Variants in PM20D2 observed in about 807,000 individuals in gnomAD.
PM20D2 encodes the protein xaa-Arg dipeptidase.
Under a neutral mutation model 42.9 loss-of-function variants are expected in PM20D2, and 33 were observed. That is an observed-to-expected ratio of 0.77 (90% confidence interval 0.58 to 1.03). The LOEUF (loss-of-function observed/expected upper bound fraction) is 1.03. Ranked by LOEUF, PM20D2 falls within the 50% of genes least tolerant of loss-of-function variation. PM20D2 has a pLI of 0.00. For missense variants in PM20D2, 548 were observed against 557.0 expected, an observed-to-expected ratio of 0.98 and a Z score of 0.16; for synonymous variants, 250 against 228.2, an observed-to-expected ratio of 1.10 and a Z score of -0.86.
At chr6:89,117,104 T>A in the PM20D2 span, among the ~76,000 whole-genome samples, 1 of 152,044 alleles carries the variant, frequency 6.6e-6, no homozygotes, top group Non-Finnish European at 1.5e-5. Context: ...TTCCTTAGTA[T>A]CTGTGTTCAG....
chr6:89,161,845 G>A lies in PM20D2; in HGVS notation c.1111G>A (p.Gly371Arg). ...VPGIHPYFHI[G>R]SNALNHTEQY... Reference sequence around the variant, plus strand: ...TGGAATTCATCCATATTTTCACATTGGATCTAATGCCTTGAATCATACTGA... The same window carrying A: ...TGGAATTCATCCATATTTTCACATTAGATCTAATGCCTTGAATCATACTGA... The change falls in exon 6 of 7, where the codon GGA becomes AGA. Residue 371 changes from glycine (G) to arginine (R), a missense_variant. This residue lies in a region of PM20D2 where 7 missense variants were observed against 22.9 expected (regional missense o/e 0.31). Coordinates refer to ENST00000275072, the MANE Select transcript of PM20D2 (RefSeq NM_001010853.3). 1.2e-6 allele frequency: 2 copies of A among 1,613,722 alleles called. No homozygotes were observed. The highest frequency in any genetic ancestry group is 1.7e-6 in the Non-Finnish European group (2 of 1,179,634).
chr6:89,109,818 G>A, the PM20D2 span, among the ~76,000 whole-genome samples: 7 of 152,316 alleles, frequency 4.6e-5, no homozygotes, highest in East Asian at 9.7e-4. Context: ...CTGGCCGGGC[G>A]CGGTGGCTCA....
chr6:89,094,589 T>C, the PM20D2 span, among the ~76,000 whole-genome samples: 1 of 152,214 alleles, frequency 6.6e-6, no homozygotes, highest in African/African-American at 2.4e-5. Context: ...TATGGTGTTT[T>C]GAATTATGTG....
At chr6:89,124,993 C>T in the PM20D2 span, among the ~76,000 whole-genome samples, 8 of 152,064 alleles carry the variant, frequency 5.3e-5, no homozygotes, top group South Asian at 1.7e-3. Context: ...CTCAGCCTTC[C>T]AAAATGCTGG....
At chr6:89,109,905 G>A in the PM20D2 span, among the ~76,000 whole-genome samples, 1 of 152,060 alleles carries the variant, frequency 6.6e-6, no homozygotes, top group African/African-American at 2.4e-5. Flanking sequence ...TCTTGGCTAA[G>A]AGGGTGAAAC....
At chr6:89,107,916 A>G in the PM20D2 span, among the ~76,000 whole-genome samples, 4 of 152,186 alleles carry the variant, frequency 2.6e-5, no homozygotes, top group African/African-American at 7.2e-5. Flanking sequence ...GAAAGTTATT[A>G]TAAGACCTAA....
upstream of PM20D2, among the ~76,000 whole-genome samples, chr6:89,145,746 G>T (rs1338994107): frequency 2.0e-5 from 3 of 152,184 alleles, no homozygotes; most frequent in African/African-American, 7.2e-5. Flanking sequence ...CGAGGACTGT[G>T]TTCCACTTGG....
chr6:89,101,474 C>A, the PM20D2 span, among the ~76,000 whole-genome samples: 2 of 152,128 alleles, frequency 1.3e-5, no homozygotes, highest in African/African-American at 4.8e-5. Context: ...GTCATCCCAG[C>A]ACTTTGGGAG....
chr6:89,119,747 T>C, the PM20D2 span, among the ~76,000 whole-genome samples: 10 of 152,242 alleles, frequency 6.6e-5, no homozygotes, highest in African/African-American at 2.4e-4. Context: ...GTTTTGGCTG[T>C]GGATACATAG....
the PM20D2 span, among the ~76,000 whole-genome samples, chr6:89,101,707 TA>T: frequency 1.4e-5 from 2 of 146,814 alleles, no homozygotes; most frequent in African/African-American, 5.0e-5. Flanking sequence ...CAAAAAAAAA[TA>T]AAAATAAAAA....
At chr6:89,135,645 G>A in the PM20D2 span, among the ~76,000 whole-genome samples, 1 of 151,314 alleles carries the variant, frequency 6.6e-6, no homozygotes. Flanking sequence ...ATTGTGTGTA[G>A]TACTGCTAAG....
rs776537394 is a variant in PM20D2, at chr6:89,146,099, C to G, written c.-46C>G. On this transcript the variant is annotated 5_prime_UTR_variant, in exon 1 of 7. Transcript: ENST00000275072. ...TGCGCGGGCGGTCGCTACCTGCGGC[C>G]GAGCCAGGGAGCGAGAGGGCGCAGA... 3 of 1,369,002 alleles carry G rather than the reference C, an allele frequency of 2.2e-6. No homozygotes were observed. Among genetic ancestry groups the G allele is most frequent in the Non-Finnish European group, 2.8e-6 (3 of 1,064,338 alleles). The allele number at this position is 1,369,002 out of a possible 1,614,324, so 84.8% of individuals were successfully genotyped here.
At chr6:89,155,555 G>C (rs987575285) in intron 4 of PM20D2, among the ~76,000 whole-genome samples, 2 of 152,040 alleles carry the variant, frequency 1.3e-5, no homozygotes, top group Admixed American at 1.3e-4. Flanking sequence ...CTTCTAAAGT[G>C]CTGGGATTAT....
At chr6:89,161,703 C>T in intron 5 of PM20D2, 80 bp from the exon 6 acceptor site, 2 of 1,099,290 alleles carry the variant, frequency 1.8e-6, no homozygotes, top group Non-Finnish European at 2.8e-6. Context: ...TCTCTTCTAA[C>T]AGGGACTGTG....
chr6:89,126,777 C>G, the PM20D2 span, among the ~76,000 whole-genome samples: 2 of 151,894 alleles, frequency 1.3e-5, no homozygotes, highest in Non-Finnish European at 2.9e-5. Flanking sequence ...GACCATACTC[C>G]CTAAATATAA....
At chr6:89,132,697 G>A in the PM20D2 span, among the ~76,000 whole-genome samples, 1 of 150,296 alleles carries the variant, frequency 6.7e-6, no homozygotes, top group Non-Finnish European at 1.5e-5. Flanking sequence ...AATTAGCTGG[G>A]TGTGGTGGCA....
chr6:89,131,550 T>C, the PM20D2 span, among the ~76,000 whole-genome samples: 2 of 152,160 alleles, frequency 1.3e-5, no homozygotes, highest in East Asian at 3.9e-4. Flanking sequence ...AAATAATTAA[T>C]TGAACCTATC....
chr6:89,113,241 T>C, the PM20D2 span, among the ~76,000 whole-genome samples: 3 of 152,130 alleles, frequency 2.0e-5, no homozygotes, highest in South Asian at 2.1e-4. Context: ...GTGGCCGGTA[T>C]TGGCTCACTG....
At chr6:89,143,925 G>T (rs954184959), upstream of PM20D2, among the ~76,000 whole-genome samples, 2 of 152,162 alleles carry the variant, frequency 1.3e-5, no homozygotes, top group African/African-American at 4.8e-5. Flanking sequence ...GATTCAAGAA[G>T]AATAATCAGC....
Sources: gnomAD v4.1 joint callset for allele counts (sites outside exome capture counted in the v4.1 genomes callset) on GRCh38, gnomAD v4.1.1 for gene constraint, gnomAD v4.1.1 regional missense constraint, MANE v1.5 for transcripts, NCBI Gene and HGNC (gene_info 2026-07-23, HGNC 2026-07-21) for gene names.